Variants in PTPN12 observed in about 807,000 individuals in gnomAD.
PTPN12 encodes the protein tyrosine-protein phosphatase non-receptor type 12.
A neutral mutation model predicts 97.6 loss-of-function variants in PTPN12; 29 were observed. That is an observed-to-expected ratio of 0.30 (90% CI 0.22 to 0.41). The LOEUF (loss-of-function observed/expected upper bound fraction) is 0.41. Ranked by LOEUF, PTPN12 falls within the 10% of genes least tolerant of loss-of-function variation. PTPN12 has a pLI of 1.00. For missense variants in PTPN12, 819 were observed against 926.0 expected (o/e 0.88, Z 1.50); for synonymous variants, 327 against 300.4 (o/e 1.09, Z -0.91).
intron 1 of PTPN12, among the ~76,000 whole-genome samples, chr7:77,541,946 T>C (rs1445313030): frequency 6.6e-6 from 1 of 152,210 alleles, no homozygotes; most frequent in Non-Finnish European, 1.5e-5. Context: ...ACTTTTAATA[T>C]TTACAAAATG....
chr7:77,618,254 T>C (rs1788818440), intron 11 of PTPN12, among the ~76,000 whole-genome samples: 1 of 152,192 alleles, frequency 6.6e-6, no homozygotes. Context: ...CTGTACACCT[T>C]GATCTTTCCA....
intron 7 of PTPN12, among the ~76,000 whole-genome samples, chr7:77,600,312 GTGTTA>G (rs1473421367): frequency 1.3e-5 from 2 of 151,786 alleles, no homozygotes; most frequent in Non-Finnish European, 2.9e-5. Context: ...AGTATATATA[GTGTTA>G]TGTTTACAGT....
At position 77,625,490 on chromosome 7, in the gene PTPN12, T is replaced by G. The variant is rs1446583131; in HGVS notation, c.1026-1215T>G. ...GCTGCTCGCTCTCTCTCTCTCTCTC[T>G]CTCTCTCTCTCTCTCTCTCTCTCTC... On this transcript the variant is annotated intron_variant, in intron 12 of 17. Transcript: ENST00000248594. 4.1e-5 allele frequency among the ~76,000 whole-genome samples: 4 copies of G among 98,112 alleles called. 1 individual carries two copies. The highest frequency in any genetic ancestry group is 1.7e-4 in the African/African-American group (4 of 23,960). 64.4% of individuals were successfully genotyped at this position (98,112 alleles called of 152,430 possible).
chr7:77,559,463 G>A (rs1284633755), intron 1 of PTPN12, among the ~76,000 whole-genome samples: 1 of 152,166 alleles, frequency 6.6e-6, no homozygotes, highest in African/African-American at 2.4e-5. Flanking sequence ...AACAGTGAAA[G>A]CTTTCCTTGG....
At chr7:77,598,298 C>A (rs922946287) in intron 7 of PTPN12, among the ~76,000 whole-genome samples, 24 of 152,264 alleles carry the variant, frequency 1.6e-4, no homozygotes, top group African/African-American at 5.3e-4. Context: ...GGGTAGTATG[C>A]TCACTCCTTT....
chr7:77,623,317 T>C (rs936610228), intron 12 of PTPN12, among the ~76,000 whole-genome samples: 4 of 151,454 alleles, frequency 2.6e-5, no homozygotes, highest in African/African-American at 4.9e-5. Context: ...ACTGTTCTAA[T>C]TGTTGTTCAG....
chr7:77,629,554 CT>C (rs373775665), intron 13 of PTPN12, among the ~76,000 whole-genome samples: 19 of 144,738 alleles, frequency 1.3e-4, no homozygotes, highest in East Asian at 2.0e-4. Context: ...TGTTCTTTTG[CT>C]TTTTTTTTTA....
Position 77,626,841 on chromosome 7 carries a change from C to T in PTPN12, c.1162C>T (p.His388Tyr), listed in dbSNP as rs1380591634. The T allele has an allele frequency of 1.2e-6, 2 of 1,613,804 alleles. No individual in the cohort carries two copies. The highest frequency in any genetic ancestry group is 1.7e-5 in the Admixed American group (1 of 59,984). The change falls in exon 13 of 18, where the codon CAT becomes TAT. Residue 388 changes from histidine to tyrosine, a missense_variant. His to Tyr is a moderately conservative substitution (Grantham distance 83, BLOSUM62 2). This residue lies in a region of PTPN12 where 607 missense variants were observed against 577.3 expected (regional missense o/e 1.05). Transcript: ENST00000248594. ...TTVWQDNDRY[H>Y]PKPVLHMVSS... ...TGTGTGGCAGGACAATGATAGATAC[C>T]ATCCAAAGCCAGTGTTGCATATGGT...
intron 11 of PTPN12, among the ~76,000 whole-genome samples, chr7:77,617,148 C>T (rs139467524): frequency 4.6e-5 from 7 of 152,164 alleles, no homozygotes; most frequent in Admixed American, 2.0e-4. Context: ...GAAACTTTGG[C>T]GACCAAAAGT....
intron 1 of PTPN12, among the ~76,000 whole-genome samples, chr7:77,556,789 C>T (rs549514272): frequency 4.6e-4 from 70 of 152,092 alleles, no homozygotes; most frequent in African/African-American, 1.6e-3. Context: ...GAGACCGCAC[C>T]ACTGCACTCC....
chr7:77,605,782 GT>G (rs1294710207), intron 8 of PTPN12, among the ~76,000 whole-genome samples: 1 of 151,728 alleles, frequency 6.6e-6, no homozygotes, highest in Non-Finnish European at 1.5e-5. Context: ...GCTCCCATTA[GT>G]TTTTTGGGAT....
At chr7:77,568,820 T>A (rs1034061947) in intron 1 of PTPN12, among the ~76,000 whole-genome samples, 1 of 152,212 alleles carries the variant, frequency 6.6e-6, no homozygotes, top group Non-Finnish European at 1.5e-5. Context: ...CTATTTAAGT[T>A]GATATCCTTC....
intron 13 of PTPN12, 48 bp downstream of exon 13, chr7:77,627,723 C>A: frequency 6.8e-7 from 1 of 1,468,614 alleles, no homozygotes; most frequent in South Asian, 1.4e-5. Flanking sequence ...ATGTGCTAGT[C>A]ACTGTTTTAA....
intron 12 of PTPN12, among the ~76,000 whole-genome samples, chr7:77,623,694 A>G (rs1391553252): frequency 6.6e-6 from 1 of 152,216 alleles, no homozygotes; most frequent in African/African-American, 2.4e-5. Context: ...AGCCTGAGTA[A>G]CAGAATGAGA....
At chr7:77,614,614 T>A (rs537140987) in intron 11 of PTPN12, among the ~76,000 whole-genome samples, 95 of 152,240 alleles carry the variant, frequency 6.2e-4, no homozygotes, top group African/African-American at 2.1e-3. Context: ...CAGATAACTT[T>A]TTAGTATTTT....
intron 8 of PTPN12, among the ~76,000 whole-genome samples, chr7:77,604,501 A>G (rs529280562): frequency 1.3e-5 from 2 of 152,104 alleles, no homozygotes; most frequent in South Asian, 4.1e-4. Context: ...GGCGTGAACC[A>G]CTGCGCCCAG....
rs1787116676 is a variant in PTPN12 at position 77,571,259 on chromosome 7, C to G, written c.208+73C>G. The G allele has an allele frequency of 1.0e-5, 9 of 859,618 alleles. No homozygotes were observed. The South Asian group carries it at 1.5e-4, about 14-fold the overall frequency. 53.2% of individuals were successfully genotyped at this position (859,618 alleles called of 1,614,324 possible). A position where few individuals can be genotyped will look rare whatever the true frequency, so the allele number is the denominator to read the frequency against. ...CTTTTGTAACCTAACTAGTTTTATT[C>G]TTCCTGAGTTTCACTGTTAAGGAAG... On this transcript the variant is annotated intron_variant, in intron 2 of 17. Transcript: ENST00000248594.
At chr7:77,573,188 A>G (rs1787219729) in intron 2 of PTPN12, among the ~76,000 whole-genome samples, 1 of 151,958 alleles carries the variant, frequency 6.6e-6, no homozygotes, top group Admixed American at 6.6e-5. Context: ...CATAGTAACC[A>G]ATCATTAAGC....
chr7:77,589,660 T>G (rs1412887301), intron 5 of PTPN12, among the ~76,000 whole-genome samples: 1 of 152,120 alleles, frequency 6.6e-6, no homozygotes, highest in Non-Finnish European at 1.5e-5. Flanking sequence ...ATGTCAGTAT[T>G]AAGTAATGTT....
Sources: allele counts gnomAD v4.1 joint callset (sites outside exome capture counted in the v4.1 genomes callset), GRCh38; gene constraint gnomAD v4.1.1; regional missense constraint gnomAD v4.1.1; transcripts MANE v1.5; gene names NCBI Gene and HGNC (gene_info 2026-07-23, HGNC 2026-07-21).